MACF1: variants seen among roughly 807,000 people sequenced by gnomAD.
The protein encoded by MACF1 is microtubule-actin cross-linking factor 1.
Under a neutral mutation model 854.8 loss-of-function variants are expected in MACF1, and 193 were observed. That is an observed-to-expected ratio of 0.23 (90% CI 0.20 to 0.25). The LOEUF (loss-of-function observed/expected upper bound fraction) is 0.25. MACF1 is among the 10% of genes least tolerant of loss of function. The pLI, the probability that MACF1 is intolerant of heterozygous loss-of-function variation, is 1.00. For synonymous variants in MACF1, 3,185 were observed against 3,226.7 expected, an observed-to-expected ratio of 0.99 and a Z score of 0.44; for missense variants, 7,722 against 8,929.1, an observed-to-expected ratio of 0.86 and a Z score of 5.45.
chr1:39,284,097 G>A lies in MACF1; in HGVS notation c.947G>A (p.Ser316Asn). ...GACTCCAGGTGGCAAGAATACCAAA[G>A]CCGAGTGGACTCCCTCATTCCCTGG... is the stretch of plus-strand genomic sequence containing the variant. Reference protein sequence around the residue: ...EVDSRWQEYQSRVDSLIPWIK... With the variant: ...EVDSRWQEYQNRVDSLIPWIK... Residue 316 changes from serine to asparagine, a missense_variant, in exon 10 of 101, where the codon AGC (serine) becomes AAC (asparagine). Transcript: ENST00000564288. 1 of 1,614,094 alleles carries A rather than the reference G, an allele frequency of 6.2e-7. No individual in the cohort carries two copies. The highest frequency in any genetic ancestry group is 8.5e-7 in the Non-Finnish European group (1 of 1,179,978).
intron 2 of MACF1, 97 bp from the exon 3 acceptor site, chr1:39,249,917 C>T: frequency 3.2e-6 from 2 of 625,308 alleles, no homozygotes. Context: ...CTTTTAAATT[C>T]TTTAATTTGT....
At chr1:39,446,307 CTA>C (rs1287421477) in intron 80 of MACF1, among the ~76,000 whole-genome samples, 1 of 137,410 alleles carries the variant, frequency 7.3e-6, no homozygotes, top group African/African-American at 3.1e-5. Context: ...TCTTTTATAT[CTA>C]TAAAGTAGAT....
chr1:39,406,889 G>A (rs1169898415), intron 58 of MACF1, among the ~76,000 whole-genome samples: 1 of 152,096 alleles, frequency 6.6e-6, no homozygotes, highest in African/African-American at 2.4e-5. Flanking sequence ...AATGTATTTG[G>A]CCAGGGATAT....
chr1:39,120,483 G>T (rs1472499246), intron 2 of MACF1, among the ~76,000 whole-genome samples: 1 of 152,022 alleles, frequency 6.6e-6, no homozygotes, highest in Non-Finnish European at 1.5e-5. Context: ...TCCTGCCTCA[G>T]CCTCCCGAGT....
chr1:39,430,282 C>A (rs1446995392), intron 65 of MACF1, among the ~76,000 whole-genome samples: 4 of 151,630 alleles, frequency 2.6e-5, no homozygotes, highest in African/African-American at 9.7e-5. Context: ...AACATTTTAA[C>A]CTCTATTATT....
At chr1:39,250,198 T>C in intron 3 of MACF1, 95 bp downstream of exon 3, 2 of 753,588 alleles carry the variant, frequency 2.7e-6, no homozygotes, top group Non-Finnish European at 4.5e-6. Flanking sequence ...CCATCACTGT[T>C]TCATCTATTA....
At chr1:39,214,711 G>A (rs955546088) in intron 1 of MACF1, among the ~76,000 whole-genome samples, 3 of 152,194 alleles carry the variant, frequency 2.0e-5, no homozygotes, top group Non-Finnish European at 4.4e-5. Context: ...CTGTAAGTGC[G>A]GGGAAGGGAA....
intron 58 of MACF1, chr1:39,411,118 G>A (rs1405849016): frequency 6.2e-7 from 1 of 1,613,642 alleles, no homozygotes; most frequent in Non-Finnish European, 8.5e-7. Flanking sequence ...AGCCTGCACT[G>A]TGGAAATGCC....
intron 97 of MACF1, 117 bp from the exon 98 acceptor site, chr1:39,479,681 G>A (rs1388470782): frequency 1.7e-5 from 13 of 787,784 alleles, no homozygotes; most frequent in African/African-American, 5.2e-5. Flanking sequence ...ACCCACAGAT[G>A]GTACTAAACC....
intron 2 of MACF1, among the ~76,000 whole-genome samples, chr1:39,177,484 A>G (rs887928904): frequency 6.6e-6 from 1 of 152,204 alleles, no homozygotes; most frequent in African/African-American, 2.4e-5. Context: ...TAACTGCATC[A>G]TCAGTCCCTG....
At chr1:39,220,486 T>TTTC (rs1323552672) in intron 1 of MACF1, among the ~76,000 whole-genome samples, 1 of 140,252 alleles carries the variant, frequency 7.1e-6, no homozygotes, top group Non-Finnish European at 1.5e-5. Context: ...AATGAATTTT[T>TTTC]TTTTTTTTTT....
intron 97 of MACF1, among the ~76,000 whole-genome samples, chr1:39,476,352 C>T (rs1456096229): frequency 2.6e-5 from 4 of 152,188 alleles, no homozygotes; most frequent in African/African-American, 7.2e-5. Context: ...GGGCAGATCA[C>T]GAGGTCAGGA....
chr1:39,181,460 G>GT (rs1644104036), intron 2 of MACF1, among the ~76,000 whole-genome samples: 2 of 152,254 alleles, frequency 1.3e-5, no homozygotes, highest in South Asian at 2.1e-4. Context: ...TCCCAGTGGG[G>GT]TTTTTTCTTC....
At chr1:39,175,724 A>G (rs540194109) in intron 2 of MACF1, among the ~76,000 whole-genome samples, 1 of 151,998 alleles carries the variant, frequency 6.6e-6, no homozygotes, top group East Asian at 1.9e-4. Flanking sequence ...AGGCTGAGGC[A>G]GGCGAATCAC....
At chr1:39,415,312 T>C (rs926485931) in intron 58 of MACF1, among the ~76,000 whole-genome samples, 24 of 151,772 alleles carry the variant, frequency 1.6e-4, no homozygotes, top group African/African-American at 5.6e-4. Context: ...CTTGGGTCTC[T>C]CTTGGCTCTA....
intron 43 of MACF1, among the ~76,000 whole-genome samples, chr1:39,352,490 G>A (rs1647215633): frequency 6.6e-6 from 1 of 152,168 alleles, no homozygotes; most frequent in African/African-American, 2.4e-5. Context: ...AGGACTAAAT[G>A]ACCTCTAAAT....
Position 39,387,567 on chromosome 1 carries a change from C to A in MACF1, c.14725C>A (p.Gln4909Lys). The A allele has an allele frequency of 6.2e-7, 1 of 1,614,132 alleles. No homozygotes were observed. The highest frequency in any genetic ancestry group is 8.5e-7 in the Non-Finnish European group (1 of 1,180,024). The change falls in exon 58 of 101, where the codon CAG (glutamine) becomes AAG (lysine). Residue 4909 changes from glutamine to lysine, a missense_variant. Gln to Lys is a moderately conservative substitution (Grantham distance 53). Coordinates refer to ENST00000564288, the MANE Select transcript of MACF1 (RefSeq NM_001394062.1). The part of the protein sequence containing the change: ...KDCMQKAQKY[Q>K]WHVEDLVPWI... ...TTGTATGCAGAAAGCTCAGAAATAT[C>A]AGTGGCATGTGGAAGACCTTGTGCC...
chr1:39,446,228 G>A (rs1644226454), intron 80 of MACF1, among the ~76,000 whole-genome samples: 1 of 151,870 alleles, frequency 6.6e-6, no homozygotes, highest in Non-Finnish European at 1.5e-5. Context: ...GTGTGGTGCT[G>A]TAGTAAGAAA....
chr1:39,421,125 A>G (rs1173623765), intron 58 of MACF1, among the ~76,000 whole-genome samples: 5 of 152,274 alleles, frequency 3.3e-5, no homozygotes, highest in Non-Finnish European at 7.4e-5. Context: ...TCGGCCTCCC[A>G]AAGTGCTGGG....
Sources: gnomAD v4.1 joint callset for allele counts (sites outside exome capture counted in the v4.1 genomes callset) on GRCh38, gnomAD v4.1.1 for gene constraint, MANE v1.5 for transcripts, NCBI Gene and HGNC (gene_info 2026-07-23, HGNC 2026-07-21) for gene names.